MARCO: variants seen among roughly 807,000 people sequenced by gnomAD.
MARCO encodes the protein macrophage receptor MARCO.
Under a neutral mutation model 70.0 loss-of-function variants are expected in MARCO, and 72 were observed. That is an observed-to-expected ratio of 1.03 (90% CI 0.85 to 1.25). The LOEUF (loss-of-function observed/expected upper bound fraction) is 1.25, where lower values mean the gene tolerates loss of function less well. Ranked by LOEUF, MARCO falls within the 50% of genes most tolerant of loss-of-function variation. MARCO has a pLI of 0.00. For synonymous variants in MARCO, 273 were observed against 243.1 expected, an observed-to-expected ratio of 1.12 and a Z score of -1.14; for missense variants, 696 against 659.3, an observed-to-expected ratio of 1.06 and a Z score of -0.61.
chr2:118,966,832 T>C (rs974839710), intron 1 of MARCO, among the ~76,000 whole-genome samples: 1 of 152,192 alleles, frequency 6.6e-6, no homozygotes, highest in African/African-American at 2.4e-5. Flanking sequence ...GACACTGTAT[T>C]TGCCAATTTG....
Position 118,971,544 on chromosome 2 carries a change from T to C in MARCO, c.460+10T>C. ...GAACAAGGCGCCCCAGGTAGGTTCA[T>C]TTCCACTCACACCCACCCTGCTCTT... is the stretch of plus-strand genomic sequence containing the variant. On this transcript the variant is annotated intron_variant, in intron 4 of 16. Transcript: ENST00000327097. The C allele has an allele frequency of 6.2e-7, 1 of 1,613,716 alleles. No individual in the cohort carries two copies. Among genetic ancestry groups the C allele is most frequent in the Non-Finnish European group, 8.5e-7 (1 of 1,179,772 alleles).
intron 12 of MARCO, among the ~76,000 whole-genome samples, chr2:118,983,617 G>A (rs889417690): frequency 1.3e-5 from 2 of 152,078 alleles, no homozygotes; most frequent in Admixed American, 1.3e-4. Context: ...TTCCATCTGG[G>A]TATAGTCGTC....
chr2:118,978,731 C>A (rs986100985), intron 8 of MARCO, among the ~76,000 whole-genome samples: 2 of 152,128 alleles, frequency 1.3e-5, no homozygotes, highest in Admixed American at 6.5e-5. Flanking sequence ...ATATATTTTA[C>A]AAGACAGTAA....
chr2:118,952,765 G>A (rs540868627), intron 1 of MARCO: 2 of 152,300 alleles, frequency 1.3e-5, no homozygotes, highest in African/African-American at 4.8e-5. Flanking sequence ...AAGAGGTGGT[G>A]TGGTGCCTCC....
rs150678242 is a variant in MARCO at position 118,972,882 on chromosome 2, T to C, written c.460+1348T>C. On this transcript the variant is annotated intron_variant, in intron 4 of 16. Transcript: ENST00000327097. ...CAGTACAACCTTCAAAATCTGCCTG[T>C]CACCCGCCCTAGGCACAGTGCTGCC... Among the ~76,000 whole-genome samples the C allele has an allele frequency of 5.3e-3, 813 of 152,308 alleles. 2 individuals are homozygous for C. The highest frequency in any genetic ancestry group is 9.6e-3 in the Admixed American group (147 of 15,300).
chr2:118,961,597 C>T lies in MARCO; in HGVS notation c.98-7563C>T, dbSNP rs538192718. ...TTTTCTTGTAAATTTGTTCAAGTTC[C>T]TTGCAGATTCTGAATATTAGACCTT... is the stretch of plus-strand genomic sequence containing the variant. On this transcript the variant is annotated intron_variant, in intron 1 of 16. Coordinates refer to ENST00000327097, the MANE Select transcript of MARCO (RefSeq NM_006770.4). Among the ~76,000 whole-genome samples, 6 of 152,126 alleles carry T rather than the reference C, an allele frequency of 3.9e-5. No homozygotes were observed. In the East Asian group the frequency reaches 1.2e-3, roughly 29 times the overall value.
At chr2:118,981,291 G>A in intron 8 of MARCO, 118 bp from the exon 9 acceptor site, 1 of 696,894 alleles carries the variant, frequency 1.4e-6, no homozygotes, top group South Asian at 1.8e-5. Flanking sequence ...CGGGCACCAA[G>A]TAGGAGCTCA....
At chr2:118,969,073 C>A (rs1680110872) in intron 1 of MARCO, 87 bp from the exon 2 acceptor site, 3 of 929,014 alleles carry the variant, frequency 3.2e-6, no homozygotes, top group Non-Finnish European at 5.3e-6. Context: ...GTGCCCCCTG[C>A]TCACATGGAG....
intron 2 of MARCO, 69 bp from the exon 3 acceptor site, chr2:118,970,045 G>A (rs1573390979): frequency 7.5e-7 from 1 of 1,333,340 alleles, no homozygotes; most frequent in African/African-American, 1.4e-5. Flanking sequence ...ATGCACACAT[G>A]ACACAAGAAT....
chr2:118,951,998 G>C (rs1679731820), intron 1 of MARCO, among the ~76,000 whole-genome samples: 1 of 151,660 alleles, frequency 6.6e-6, no homozygotes, highest in African/African-American at 2.4e-5. Context: ...GTCTTTCCCT[G>C]CCTCTGCCAG....
chr2:118,966,080 A>G (rs1680042019), intron 1 of MARCO, among the ~76,000 whole-genome samples: 1 of 151,380 alleles, frequency 6.6e-6, no homozygotes, highest in African/African-American at 2.4e-5. Context: ...CTGGAGGAGG[A>G]CACCCTACCA....
intron 1 of MARCO, among the ~76,000 whole-genome samples, chr2:118,964,631 T>C (rs1423479664): frequency 1.3e-5 from 2 of 152,292 alleles, no homozygotes; most frequent in South Asian, 4.2e-4. Flanking sequence ...CTCATGCCTG[T>C]AATCCCAGCA....
intron 16 of MARCO, among the ~76,000 whole-genome samples, chr2:118,993,884 G>T (rs1237656076): frequency 1.3e-5 from 2 of 152,200 alleles, no homozygotes; most frequent in Non-Finnish European, 2.9e-5. Flanking sequence ...TAAGTCCCCA[G>T]GCAGAACCCT....
Position 118,974,520 on chromosome 2 carries a change from G to A in MARCO, c.569-1G>A. 2 of 1,613,946 alleles carry A rather than the reference G, an allele frequency of 1.2e-6. No homozygotes were observed. Among genetic ancestry groups the A allele is most frequent in the Non-Finnish European group, 1.7e-6 (2 of 1,179,980 alleles). ...CACTCTGAATTCCCTTTCCCTTCCA[G>A]GCCCCTCGGGACCCCAAGGCCCACC... On this transcript the variant is annotated splice_acceptor_variant, in intron 5 of 16. Transcript: ENST00000327097. LOFTEE classifies it high-confidence loss of function.
chr2:118,966,029 C>G (rs1398585406), intron 1 of MARCO, among the ~76,000 whole-genome samples: 1 of 151,962 alleles, frequency 6.6e-6, no homozygotes, highest in Admixed American at 6.6e-5. Context: ...GGGAGGAGGA[C>G]ACCCTACCAG....
At chr2:118,962,217 T>C (rs1427717425) in intron 1 of MARCO, among the ~76,000 whole-genome samples, 1 of 152,106 alleles carries the variant, frequency 6.6e-6, no homozygotes, top group Non-Finnish European at 1.5e-5. Flanking sequence ...TTTTTGGTTC[T>C]GTATAATTTT....
chr2:118,944,214 C>G (rs1679554396), intron 1 of MARCO, among the ~76,000 whole-genome samples: 1 of 152,018 alleles, frequency 6.6e-6, no homozygotes, highest in African/African-American at 2.4e-5. Flanking sequence ...ATAGTGAGAC[C>G]CTATCTCCAC....
At chr2:118,980,039 C>T (rs558425166) in intron 8 of MARCO, among the ~76,000 whole-genome samples, 11 of 152,336 alleles carry the variant, frequency 7.2e-5, no homozygotes, top group African/African-American at 2.6e-4. Context: ...CAAAGCCATT[C>T]CCTTTGCTGG....
intron 1 of MARCO, among the ~76,000 whole-genome samples, chr2:118,962,546 G>C (rs1679968834): frequency 6.6e-6 from 1 of 151,888 alleles, no homozygotes; most frequent in South Asian, 2.1e-4. Flanking sequence ...TTGTGTCAAA[G>C]TTCATGAAAT....
Sources: allele counts gnomAD v4.1 joint callset (sites outside exome capture counted in the v4.1 genomes callset), GRCh38; gene constraint gnomAD v4.1.1; transcripts MANE v1.5; gene names NCBI Gene and HGNC (gene_info 2026-07-23, HGNC 2026-07-21).